FAR1: variants seen among roughly 807,000 people sequenced by gnomAD.
The protein encoded by FAR1 is male sterility domain-containing protein 2.
FAR1 carries 22 observed loss-of-function variants against 61.1 expected under a neutral mutation model. The ratio of observed to expected loss-of-function variants is 0.36; its 90% CI spans 0.26 to 0.51. The LOEUF (loss-of-function observed/expected upper bound fraction) is 0.51, where lower values mean the gene tolerates loss of function less well. Ranked by LOEUF, FAR1 falls within the 20% of genes least tolerant of loss-of-function variation. FAR1 has a pLI of 0.95. For synonymous variants in FAR1, 206 were observed against 209.7 expected (o/e 0.98, Z 0.15); for missense variants, 359 against 626.9 (o/e 0.57, Z 4.56).
At chr11:13,683,821 G>A (rs1305310135) in intron 1 of FAR1, among the ~76,000 whole-genome samples, 1 of 152,208 alleles carries the variant, frequency 6.6e-6, no homozygotes, top group South Asian at 2.1e-4. Flanking sequence ...GGATTTAATG[G>A]TTAGATATTC....
intron 1 of FAR1, among the ~76,000 whole-genome samples, chr11:13,693,617 T>C (rs1848277356): frequency 6.6e-6 from 1 of 152,220 alleles, no homozygotes; most frequent in Non-Finnish European, 1.5e-5. Flanking sequence ...AGTCCAGCTT[T>C]TGGATCCTGA....
chr11:13,676,198 A>G (rs746667279), intron 1 of FAR1, among the ~76,000 whole-genome samples: 3 of 152,186 alleles, frequency 2.0e-5, no homozygotes, highest in African/African-American at 7.2e-5. Flanking sequence ...CAAATGCCTA[A>G]TTAAAAAATT....
intron 3 of FAR1, among the ~76,000 whole-genome samples, chr11:13,701,761 A>G (rs888534606): frequency 1.3e-5 from 2 of 151,800 alleles, no homozygotes; most frequent in African/African-American, 4.8e-5. Context: ...TTTTCAGTGT[A>G]TTTTCTCATT....
chr11:13,677,569 A>T (rs1012264380), intron 1 of FAR1, among the ~76,000 whole-genome samples: 1 of 152,248 alleles, frequency 6.6e-6, no homozygotes, highest in Non-Finnish European at 1.5e-5. Flanking sequence ...GTTACTGCTT[A>T]CATGACTGAT....
chr11:13,717,615 G>A (rs540890053), intron 9 of FAR1, among the ~76,000 whole-genome samples: 4 of 152,190 alleles, frequency 2.6e-5, no homozygotes, highest in African/African-American at 4.8e-5. Context: ...ATCCTGCTTC[G>A]TGCCCATGAA....
intron 1 of FAR1, among the ~76,000 whole-genome samples, chr11:13,671,420 G>T (rs1296800030): frequency 6.6e-6 from 1 of 152,198 alleles, no homozygotes; most frequent in African/African-American, 2.4e-5. Context: ...AATTTTTTAT[G>T]TTGGTTAGGA....
At chr11:13,701,078 G>C (rs912969731) in intron 3 of FAR1, among the ~76,000 whole-genome samples, 1 of 151,974 alleles carries the variant, frequency 6.6e-6, no homozygotes, top group Admixed American at 6.6e-5. Context: ...AATCTAATGA[G>C]TATGCATTTC....
chr11:13,721,642 T>A lies in FAR1; in HGVS notation c.1128-88T>A. On this transcript the variant is annotated intron_variant, in intron 9 of 11. Transcript: ENST00000354817. This position sits in a 1 kb window ranked among gnomAD's most constrained non-coding sequence, Gnocchi z 4.2. The stretch of plus-strand genomic sequence containing the variant: ...ATAATTTTAATACTAATGTCTATAT[T>A]ATAGGGGGAAACTTGCACCCTGGGT... 1 of 998,812 alleles carries A rather than the reference T, an allele frequency of 1.0e-6. No individual in the cohort carries two copies. The highest frequency in any genetic ancestry group is 1.5e-6 in the Non-Finnish European group (1 of 669,498). The allele number at this position is 998,812 out of a possible 1,614,324, so 61.9% of individuals were successfully genotyped here.
chr11:13,713,219 T>G (rs1848518686), intron 8 of FAR1, 186 bp downstream of exon 8: 2 of 602,700 alleles, frequency 3.3e-6, no homozygotes, highest in Admixed American at 5.5e-5. Flanking sequence ...TTCACAAATT[T>G]AAAAATATAC....
At chr11:13,695,678 A>G (rs1037317601) in intron 2 of FAR1, among the ~76,000 whole-genome samples, 4 of 152,206 alleles carry the variant, frequency 2.6e-5, no homozygotes, top group Admixed American at 6.5e-5. Context: ...TACAATTAGA[A>G]TAACACTCAT....
At chr11:13,689,771 T>C (rs1316781003) in intron 1 of FAR1, among the ~76,000 whole-genome samples, 1 of 152,204 alleles carries the variant, frequency 6.6e-6, no homozygotes, top group Non-Finnish European at 1.5e-5. Context: ...GTTCCAGTTA[T>C]TGTGCACCCT....
At chr11:13,695,362 A>G (rs920337164) in intron 2 of FAR1, among the ~76,000 whole-genome samples, 1 of 152,128 alleles carries the variant, frequency 6.6e-6, no homozygotes, top group South Asian at 2.1e-4. Context: ...CTCCCCCACA[A>G]CAGTATTAGG....
chr11:13,679,697 CTCAT>C (rs1397341465), intron 1 of FAR1, among the ~76,000 whole-genome samples: 1 of 152,144 alleles, frequency 6.6e-6, no homozygotes, highest in African/African-American at 2.4e-5. Flanking sequence ...CATTTCCTCT[CTCAT>C]AGAGTAGAAT....
rs1848682713 is a variant in FAR1 at position 13,727,803 on chromosome 11, G to T, written c.1385+120G>T. 7 of 915,688 alleles carry T rather than the reference G, an allele frequency of 7.6e-6. No homozygotes were observed. In the Admixed American group the frequency reaches 2.0e-4, roughly 26 times the overall value. 56.7% of individuals were successfully genotyped at this position (915,688 alleles called of 1,614,324 possible). A position where few individuals can be genotyped will look rare whatever the true frequency, so the allele number is the denominator to read the frequency against. Reference sequence around the variant, plus strand: ...TTCAAAGATGCAGATAATTTTTAATGGTAATCTCTTATATTTGTAGTGCTT... The same window carrying T: ...TTCAAAGATGCAGATAATTTTTAATTGTAATCTCTTATATTTGTAGTGCTT... On this transcript the variant is annotated intron_variant, in intron 11 of 11. Coordinates refer to ENST00000354817, the MANE Select transcript of FAR1 (RefSeq NM_032228.6).
chr11:13,693,966 C>T (rs1848282659), intron 1 of FAR1, among the ~76,000 whole-genome samples: 1 of 152,118 alleles, frequency 6.6e-6, no homozygotes, highest in Admixed American at 6.5e-5. Context: ...GGTTGTATTG[C>T]ACTCCCTCTC....
chr11:13,678,008 C>T (rs1025352988), intron 1 of FAR1, among the ~76,000 whole-genome samples: 3 of 152,140 alleles, frequency 2.0e-5, no homozygotes, highest in Non-Finnish European at 4.4e-5. Flanking sequence ...AGAATAATGA[C>T]AATTGAAAAC....
intron 1 of FAR1, among the ~76,000 whole-genome samples, chr11:13,676,931 A>G (rs558614453): frequency 1.3e-5 from 2 of 152,334 alleles, no homozygotes; most frequent in East Asian, 1.9e-4. Context: ...GATTTTAACA[A>G]TCAGTGATCT....
intron 5 of FAR1, 128 bp downstream of exon 5, chr11:13,710,998 T>A (rs1012867266): frequency 7.9e-6 from 6 of 763,722 alleles, no homozygotes; most frequent in Non-Finnish European, 1.2e-5. Context: ...ATGGCAAAGC[T>A]GTTTTGTGTT....
At chr11:13,713,144 T>G (rs1848518107) in intron 8 of FAR1, 111 bp downstream of exon 8, 1 of 896,088 alleles carries the variant, frequency 1.1e-6, no homozygotes, top group Non-Finnish European at 1.9e-6. Context: ...GAGTTACCAA[T>G]TTGTTCTTAA....
Sources: allele counts gnomAD v4.1 joint callset (sites outside exome capture counted in the v4.1 genomes callset), GRCh38; gene constraint gnomAD v4.1.1; non-coding constraint Gnocchi (gnomAD v3.1); transcripts MANE v1.5; gene names NCBI Gene and HGNC (gene_info 2026-07-23, HGNC 2026-07-21).